Variants in SLC37A1 observed in about 807,000 individuals in gnomAD.
The protein encoded by SLC37A1 is solute carrier family 37 member 1, also known as glucose-6-phosphate exchanger SLC37A1.
Under a neutral mutation model 75.3 loss-of-function variants are expected in SLC37A1, and 49 were observed. That is an observed-to-expected ratio of 0.65 (90% CI 0.52 to 0.83). SLC37A1 has a LOEUF of 0.83. Ranked by LOEUF, SLC37A1 falls within the 40% of genes least tolerant of loss-of-function variation. The pLI is 0.00. For missense variants in SLC37A1, 566 were observed against 695.0 expected (o/e 0.81, Z 2.09); for synonymous variants, 268 against 292.1 (o/e 0.92, Z 0.84).
At chr21:42,537,984 G>T (rs911843405) in intron 5 of SLC37A1, among the ~76,000 whole-genome samples, 4 of 152,246 alleles carry the variant, frequency 2.6e-5, no homozygotes, top group Non-Finnish European at 5.9e-5. Context: ...AGCAGGTGCA[G>T]CGTGGACTTG....
At chr21:42,550,909 G>A (rs1330899947) in intron 9 of SLC37A1, among the ~76,000 whole-genome samples, 1 of 152,190 alleles carries the variant, frequency 6.6e-6, no homozygotes, top group African/African-American at 2.4e-5. Flanking sequence ...ACTAGGAATA[G>A]AAAGCAACTT....
intron 3 of SLC37A1, among the ~76,000 whole-genome samples, chr21:42,530,595 TACACACACACACACAC>T (rs71190427): frequency 0.014 from 1,425 of 103,196 alleles, 39 homozygotes; most frequent in African/African-American, 0.035. Flanking sequence ...ATGCAGATGA[TACACACACACACACAC>T]ACACACACAC....
upstream of SLC37A1, chr21:42,513,827 C>G (rs1005888708): frequency 2.1e-5 from 3 of 145,798 alleles, no homozygotes; most frequent in Non-Finnish European, 4.6e-5. Flanking sequence ...GAAAGGGCGG[C>G]GGGGCCTCCC....
chr21:42,526,683 C>G (rs1239859288), intron 3 of SLC37A1, among the ~76,000 whole-genome samples: 2 of 152,300 alleles, frequency 1.3e-5, no homozygotes, highest in Admixed American at 1.3e-4. Flanking sequence ...TGTGACGGTC[C>G]TAGGTTCCCC....
chr21:42,515,041 T>G (rs1472730897), intron 1 of SLC37A1: 1 of 152,248 alleles, frequency 6.6e-6, no homozygotes, highest in Non-Finnish European at 1.5e-5. Flanking sequence ...ACCAAGTCAT[T>G]TTGGACCTGC....
intron 1 of SLC37A1, among the ~76,000 whole-genome samples, chr21:42,515,210 C>T (rs949910733): frequency 2.6e-5 from 4 of 151,672 alleles, no homozygotes; most frequent in African/African-American, 9.7e-5. Context: ...ATATGGAAAG[C>T]GCCTTTAAAA....
Position 42,551,296 on chromosome 21 carries a change from G to T in SLC37A1, c.769-2766G>T, listed in dbSNP as rs77837379. Among the ~76,000 whole-genome samples, 27 of 152,244 alleles carry T rather than the reference G, an allele frequency of 1.8e-4. No homozygotes were observed. The East Asian group carries it at 5.2e-3, about 29-fold the overall frequency. The stretch of plus-strand genomic sequence containing the variant: ...ACAATCCAAAGATGAAATTAAGGCC[G>T]TTTCATTTACAATAGCATCAAAAAA... On this transcript the variant is annotated intron_variant, in intron 9 of 19. Transcript: ENST00000352133.
At chr21:42,541,584 G>C (rs937612622) in intron 6 of SLC37A1, among the ~76,000 whole-genome samples, 2 of 152,230 alleles carry the variant, frequency 1.3e-5, no homozygotes, top group African/African-American at 4.8e-5. Flanking sequence ...ACTTTGTCCA[G>C]GCGCGAAGTC....
At chr21:42,533,349 T>G (rs968461684) in intron 3 of SLC37A1, among the ~76,000 whole-genome samples, 13 of 152,082 alleles carry the variant, frequency 8.5e-5, no homozygotes, top group African/African-American at 3.1e-4. Context: ...GGGCAACTCC[T>G]TTGAATCTTG....
intron 17 of SLC37A1, among the ~76,000 whole-genome samples, chr21:42,571,138 G>A (rs959312053): frequency 1.3e-5 from 2 of 152,148 alleles, no homozygotes; most frequent in Admixed American, 6.5e-5. Flanking sequence ...TTCCATGAGT[G>A]AGTGCTGCCC....
At position 42,513,889 on chromosome 21, in the gene SLC37A1, G is replaced by C. The variant is rs1381623712; in HGVS notation, c.-1007G>C. 6.8e-6 allele frequency: 1 copy of C among 146,824 alleles called. No individual in the cohort carries two copies. Among genetic ancestry groups the C allele is most frequent in the Non-Finnish European group, 1.5e-5 (1 of 65,804 alleles). 9.1% of individuals were successfully genotyped at this position (146,824 alleles called of 1,614,324 possible). ...AGGAAGCGCCCGCGGCGGCCGGGCCGGGCTGGGCTGCGGAGCGCGGGCCTC... is the reference window on the plus strand; with the variant it reads ...AGGAAGCGCCCGCGGCGGCCGGGCCCGGCTGGGCTGCGGAGCGCGGGCCTC... On this transcript the variant is annotated 5_prime_UTR_variant, in exon 1 of 20. Transcript: ENST00000352133.
At chr21:42,566,061 A>G (rs1601761175) in intron 15 of SLC37A1, among the ~76,000 whole-genome samples, 186 bp downstream of exon 15, 1 of 152,326 alleles carries the variant, frequency 6.6e-6, no homozygotes, top group African/African-American at 2.4e-5. Context: ...TCCTCTCCCC[A>G]GTGCGAGGCT....
chr21:42,553,586 T>G (rs2055607377), intron 9 of SLC37A1, among the ~76,000 whole-genome samples: 1 of 152,170 alleles, frequency 6.6e-6, no homozygotes, highest in Non-Finnish European at 1.5e-5. Context: ...ATCAGTGCAG[T>G]CCTTCCACCT....
chr21:42,550,738 A>G (rs377270223), intron 9 of SLC37A1, among the ~76,000 whole-genome samples: 25 of 152,356 alleles, frequency 1.6e-4, no homozygotes, highest in African/African-American at 5.8e-4. Flanking sequence ...ACCATGATCA[A>G]GTGGGATTTA....
intron 6 of SLC37A1, 25 bp downstream of exon 6, chr21:42,539,672 C>A: frequency 1.2e-6 from 2 of 1,602,442 alleles, no homozygotes. Context: ...CCGTGGCTCA[C>A]CATGTACGGG....
chr21:42,578,240 G>C (rs145180539), intron 18 of SLC37A1, among the ~76,000 whole-genome samples: 1 of 152,184 alleles, frequency 6.6e-6, no homozygotes, highest in Non-Finnish European at 1.5e-5. Flanking sequence ...ACGACCGAAG[G>C]CCTCAGGTCT....
At chr21:42,568,940 G>A (rs1008486692) in intron 17 of SLC37A1, among the ~76,000 whole-genome samples, 2 of 152,232 alleles carry the variant, frequency 1.3e-5, no homozygotes, top group Admixed American at 6.5e-5. Flanking sequence ...CAGTCTCCTC[G>A]CCCATGTGCA....
chr21:42,580,502 C>G lies in SLC37A1; in HGVS notation c.*142C>G, dbSNP rs113962869. ...ACGCACCTGGAAAAGACACAGAAGC[C>G]AACCTGAGAACCCCTGGTGCTATTT... On this transcript the variant is annotated 3_prime_UTR_variant, in exon 20 of 20. Coordinates refer to ENST00000352133, the MANE Select transcript of SLC37A1 (RefSeq NM_001320537.2). The G allele has an allele frequency of 6.3e-4, 526 of 836,960 alleles. 2 individuals are homozygous for G. The African/African-American group carries it at 7.2e-3, about 11-fold the overall frequency. The allele number at this position is 836,960 out of a possible 1,614,324, so 51.8% of individuals were successfully genotyped here.
intron 2 of SLC37A1, among the ~76,000 whole-genome samples, chr21:42,524,727 G>C (rs907976928): frequency 6.6e-6 from 1 of 152,136 alleles, no homozygotes; most frequent in African/African-American, 2.4e-5. Context: ...CTTTGGTTAC[G>C]GTTTCTTTAA....
Sources: allele counts gnomAD v4.1 joint callset (sites outside exome capture counted in the v4.1 genomes callset), GRCh38; gene constraint gnomAD v4.1.1; transcripts MANE v1.5; gene names NCBI Gene and HGNC (gene_info 2026-07-23, HGNC 2026-07-21).